The following UBE3D variants were observed in gnomAD, a reference collection of about 807,000 sequenced individuals.
UBE3D encodes ubiquitin protein ligase E3D, also known as E3 ubiquitin-protein ligase E3D.
UBE3D carries 48 observed loss-of-function variants against 49.6 expected under a neutral mutation model. The observed-to-expected ratio is 0.97, with a 90% CI of 0.77 to 1.23. UBE3D has a LOEUF of 1.23. UBE3D is among the 50% of genes most tolerant of loss of function. UBE3D has a pLI of 0.00. For synonymous variants in UBE3D, 189 were observed against 174.2 expected, an observed-to-expected ratio of 1.08 and a Z score of -0.67; for missense variants, 452 against 468.4, an observed-to-expected ratio of 0.96 and a Z score of 0.32.
At chr6:82,936,509 TAATG>T (rs1774586079) in intron 9 of UBE3D, among the ~76,000 whole-genome samples, 1 of 152,100 alleles carries the variant, frequency 6.6e-6, no homozygotes, top group South Asian at 2.1e-4. Context: ...GTTTTTTTTT[TAATG>T]AAGAACTGCA....
chr6:83,047,120 G>A (rs1000420605), intron 3 of UBE3D, among the ~76,000 whole-genome samples: 11 of 152,148 alleles, frequency 7.2e-5, no homozygotes, highest in South Asian at 2.1e-4. Context: ...CCCTGGTTGC[G>A]TCTGTTGCAC....
intron 8 of UBE3D, among the ~76,000 whole-genome samples, chr6:83,006,791 G>GT (rs1309550037): frequency 6.6e-6 from 1 of 152,104 alleles, no homozygotes; most frequent in Non-Finnish European, 1.5e-5. Context: ...GGTTTAATGA[G>GT]TATGGAGTTT....
chr6:82,986,921 G>A (rs776188343), intron 8 of UBE3D, among the ~76,000 whole-genome samples: 5 of 151,074 alleles, frequency 3.3e-5, no homozygotes, highest in Non-Finnish European at 5.9e-5. Flanking sequence ...AAGCCTGCCC[G>A]CCTTTCCTTC....
At chr6:82,902,534 T>C (rs1339000413) in intron 9 of UBE3D, among the ~76,000 whole-genome samples, 1 of 152,174 alleles carries the variant, frequency 6.6e-6, no homozygotes, top group Non-Finnish European at 1.5e-5. Flanking sequence ...ACATACTGTA[T>C]CATTCCATTT....
chr6:83,016,768 C>T (rs564964404), intron 8 of UBE3D, among the ~76,000 whole-genome samples: 1 of 152,074 alleles, frequency 6.6e-6, no homozygotes, highest in East Asian at 1.9e-4. Context: ...CCACAATAGG[C>T]CATCTATAAG....
In UBE3D at chr6:83,044,447, G is replaced by T; in HGVS notation, c.578C>A (p.Ser193Tyr). The change falls in exon 4 of 10, where the codon TCT (serine) becomes TAT (tyrosine). Residue 193 changes from serine (S) to tyrosine (Y), a missense_variant. By Grantham distance (144) the Ser-to-Tyr change is moderately radical. Coordinates refer to ENST00000369747, the MANE Select transcript of UBE3D (RefSeq NM_198920.3). The part of the protein sequence containing the change: ...LSPVEMCCVS[S>Y]DNHCKLEPKA... Reference sequence around the variant, plus strand: ...TTTTACCAATTTACAATGGTTGTCAGAAGAAACACAGCACATCTCCACTGG... The same window carrying T: ...TTTTACCAATTTACAATGGTTGTCATAAGAAACACAGCACATCTCCACTGG... 2 of 1,614,072 alleles carry T rather than the reference G, an allele frequency of 1.2e-6. No individual in the cohort carries two copies. Among genetic ancestry groups the T allele is most frequent in the Non-Finnish European group, 1.7e-6 (2 of 1,179,938 alleles).
chr6:82,980,972 G>C (rs1298591753), intron 8 of UBE3D, among the ~76,000 whole-genome samples: 2 of 152,016 alleles, frequency 1.3e-5, no homozygotes. Context: ...TCATATGGAT[G>C]AGTTTCCTTA....
chr6:82,901,159 C>T lies in UBE3D; in HGVS notation c.1150-8117G>A, dbSNP rs575549895. 1.0e-3 allele frequency among the ~76,000 whole-genome samples: 158 copies of T among 151,914 alleles called. 2 individuals carry two copies. Among genetic ancestry groups the T allele is most frequent in the African/African-American group, 3.6e-3 (149 of 41,392 alleles). ...TCCGTATAGCTGTTTTGTGAAATAG[C>T]GCTTCTGAAACTAAATGTAATATGT... On this transcript the variant is annotated intron_variant, in intron 9 of 9. Coordinates refer to ENST00000369747, the MANE Select transcript of UBE3D (RefSeq NM_198920.3).
chr6:82,954,164 C>A (rs919500615), intron 9 of UBE3D, among the ~76,000 whole-genome samples: 1 of 152,102 alleles, frequency 6.6e-6, no homozygotes, highest in Non-Finnish European at 1.5e-5. Flanking sequence ...CAACAGGATG[C>A]CATGGAAGAA....
intron 9 of UBE3D, among the ~76,000 whole-genome samples, chr6:82,894,256 G>A (rs560602009): frequency 6.6e-6 from 1 of 152,124 alleles, no homozygotes; most frequent in South Asian, 2.1e-4. Flanking sequence ...CGGACCATGA[G>A]AAACATCCTG....
At chr6:83,007,526 T>C (rs1477551974) in intron 8 of UBE3D, among the ~76,000 whole-genome samples, 4 of 152,196 alleles carry the variant, frequency 2.6e-5, no homozygotes, top group African/African-American at 9.7e-5. Context: ...TCACCAGTAT[T>C]TAATAAAAAC....
At chr6:82,889,276 G>T (rs2127707950), downstream of UBE3D, among the ~76,000 whole-genome samples, 1 of 152,318 alleles carries the variant, frequency 6.6e-6, no homozygotes, top group East Asian at 1.9e-4. Flanking sequence ...CAGCAACTAG[G>T]CTGGCTTTAT....
chr6:82,950,812 T>C (rs1775735193), intron 9 of UBE3D, among the ~76,000 whole-genome samples: 1 of 152,154 alleles, frequency 6.6e-6, no homozygotes, highest in Non-Finnish European at 1.5e-5. Context: ...ACAACATGGA[T>C]GGAACTGGAG....
chr6:82,937,762 A>T (rs1013625018), intron 9 of UBE3D, among the ~76,000 whole-genome samples: 1 of 152,164 alleles, frequency 6.6e-6, no homozygotes, highest in Admixed American at 6.5e-5. Flanking sequence ...AAAGGGGGGA[A>T]ATTACGGGCT....
At chr6:82,954,568 G>T (rs1776028526) in intron 9 of UBE3D, among the ~76,000 whole-genome samples, 1 of 152,156 alleles carries the variant, frequency 6.6e-6, no homozygotes, top group African/African-American at 2.4e-5. Flanking sequence ...GACTCAGCCA[G>T]AAAAGTAAGA....
At chr6:83,065,525 T>C (rs1784434626) in intron 1 of UBE3D, 117 bp downstream of exon 1, 3 of 958,050 alleles carry the variant, frequency 3.1e-6, no homozygotes, top group South Asian at 3.4e-5. Context: ...CGAGAGGCTC[T>C]ACGCAACTGG....
chr6:82,924,122 C>T (rs749894439), intron 9 of UBE3D, among the ~76,000 whole-genome samples: 1 of 151,428 alleles, frequency 6.6e-6, no homozygotes, highest in Admixed American at 6.6e-5. Flanking sequence ...AAGAAAAGTA[C>T]TTGGAAGTCC....
At chr6:82,916,519 T>G (rs1287615351) in intron 9 of UBE3D, among the ~76,000 whole-genome samples, 1 of 152,174 alleles carries the variant, frequency 6.6e-6, no homozygotes, top group African/African-American at 2.4e-5. Context: ...AACTGGTAAA[T>G]TATGTAGCCA....
chr6:83,029,020 TTC>T (rs1781679281), intron 5 of UBE3D, among the ~76,000 whole-genome samples: 1 of 152,216 alleles, frequency 6.6e-6, no homozygotes, highest in South Asian at 2.1e-4. Context: ...GGTTTTGTTT[TTC>T]TCTTTTTACT....
Sources: allele counts gnomAD v4.1 joint callset (sites outside exome capture counted in the v4.1 genomes callset), GRCh38; gene constraint gnomAD v4.1.1; transcripts MANE v1.5; gene names NCBI Gene and HGNC (gene_info 2026-07-23, HGNC 2026-07-21).